The following ATM variants were observed in gnomAD, a reference collection of about 807,000 sequenced individuals.
ATM encodes the protein ATM serine/threonine kinase.
ATM carries 308 observed loss-of-function variants against 387.0 expected under a neutral mutation model. The observed-to-expected ratio is 0.80, with a 90% CI of 0.73 to 0.87. The LOEUF (loss-of-function observed/expected upper bound fraction) is 0.87, where lower values mean the gene tolerates loss of function less well. Among genes scored for constraint, ATM ranks in the 40% least tolerant of loss-of-function variants. The pLI, the probability that ATM is intolerant of heterozygous loss-of-function variation, is 0.00. For synonymous variants in ATM, 1,156 were observed against 1,187.3 expected, an observed-to-expected ratio of 0.97 and a Z score of 0.54; for missense variants, 3,312 against 3,560.9, an observed-to-expected ratio of 0.93 and a Z score of 1.78.
chr11:108,328,956 G>A (rs2085966435), intron 48 of ATM, 65 bp from the exon 49 acceptor site: 1 of 1,465,178 alleles, frequency 6.8e-7, no homozygotes, highest in Admixed American at 1.7e-5. Flanking sequence ...ACCTTAATTT[G>A]AGTGATTCTT....
At position 108,317,414 on chromosome 11, in the gene ATM, T is replaced by C. The variant is rs1383950977; in HGVS notation, c.6240T>C (p.Tyr2080=). Reference sequence around the variant, plus strand: ...GACTCTGCCATATTCTTTCCGTCTATTTAAAAGGATTGGATTATGAAAATA... The same window carrying C: ...GACTCTGCCATATTCTTTCCGTCTACTTAAAAGGATTGGATTATGAAAATA... ...NLGLCHILSV[Y]LKGLDYENKD... is the part of the protein sequence containing the mutation. Residue 2080 remains tyrosine, a synonymous_variant, in exon 43 of 63, where the codon TAT becomes TAC. Transcript: ENST00000675843. The C allele has an allele frequency of 6.2e-7, 1 of 1,612,558 alleles. No homozygotes were observed. Among genetic ancestry groups the C allele is most frequent in the South Asian group, 1.1e-5 (1 of 91,050 alleles).
chr11:108,357,926 C>T (rs932779556), intron 61 of ATM, among the ~76,000 whole-genome samples: 17 of 150,828 alleles, frequency 1.1e-4, no homozygotes, highest in African/African-American at 2.7e-4. Flanking sequence ...TCACCAGCAA[C>T]GGAACAAAGC....
At chr11:108,319,434 T>C (rs2085029230) in intron 43 of ATM, among the ~76,000 whole-genome samples, 2 of 152,172 alleles carry the variant, frequency 1.3e-5, no homozygotes, top group Non-Finnish European at 2.9e-5. Flanking sequence ...CCAGTTACCA[T>C]GCGGGTGGCT....
chr11:108,284,617 A>G, intron 26 of ATM, 144 bp downstream of exon 26: 1 of 1,160,374 alleles, frequency 8.6e-7, no homozygotes, highest in Non-Finnish European at 1.2e-6. Context: ...TAGCCAACCC[A>G]TGAATTTTTT....
At chr11:108,234,893 G>T (rs1156446795) in intron 4 of ATM, among the ~76,000 whole-genome samples, 1 of 151,854 alleles carries the variant, frequency 6.6e-6, no homozygotes, top group Non-Finnish European at 1.5e-5. Context: ...GCTATTATAG[G>T]ACTTAGAACT....
intron 61 of ATM, among the ~76,000 whole-genome samples, chr11:108,358,009 G>A (rs2090233680): frequency 6.8e-6 from 1 of 145,986 alleles, no homozygotes; most frequent in South Asian, 2.2e-4. Flanking sequence ...GCTACGGGAG[G>A]ACATTCAAAC....
intron 22 of ATM, among the ~76,000 whole-genome samples, chr11:108,277,510 A>G (rs1026658098): frequency 1.3e-5 from 2 of 152,114 alleles, no homozygotes; most frequent in Admixed American, 6.5e-5. Context: ...CACCCAAGGG[A>G]ATCTCTTGGT....
intron 61 of ATM, among the ~76,000 whole-genome samples, chr11:108,356,292 T>C (rs185960864): frequency 1.2e-4 from 18 of 152,214 alleles, no homozygotes; most frequent in Admixed American, 2.6e-4. Context: ...TCCCAGCACT[T>C]TGAGAGGCCG....
intron 29 of ATM, among the ~76,000 whole-genome samples, chr11:108,291,668 A>ATAC (rs1457663617): frequency 4.6e-5 from 7 of 152,200 alleles, no homozygotes; most frequent in African/African-American, 1.7e-4. Context: ...TTGTGTTTAG[A>ATAC]TAGTGTTTGA....
At chr11:108,313,324 C>T (rs187825236) in intron 40 of ATM, among the ~76,000 whole-genome samples, 41 of 152,264 alleles carry the variant, frequency 2.7e-4, no homozygotes, top group Admixed American at 2.6e-3. Flanking sequence ...TCCCTCTTCC[C>T]TATGTTCTCT....
At chr11:108,340,235 T>A (rs536943128) in intron 56 of ATM, 1 of 152,306 alleles carries the variant, frequency 6.6e-6, no homozygotes, top group South Asian at 2.1e-4. Context: ...CTTGTACTTG[T>A]CACTCAGTTT....
At chr11:108,289,152 C>G in intron 28 of ATM, 49 bp downstream of exon 28, 3 of 1,536,190 alleles carry the variant, frequency 2.0e-6, no homozygotes, top group Non-Finnish European at 2.7e-6. Context: ...TCTTTTTTAG[C>G]TAAAAAAACT....
chr11:108,312,382 A>C (rs1201822302), intron 39 of ATM, 29 bp from the exon 40 acceptor site: 14 of 1,500,466 alleles, frequency 9.3e-6, no homozygotes, highest in Middle Eastern at 1.7e-4. Context: ...GTATGTTCTC[A>C]TTAAAAGAGG....
chr11:108,256,112 AC>A (rs1234255868), intron 13 of ATM, 102 bp from the exon 14 acceptor site: 6 of 1,104,294 alleles, frequency 5.4e-6, no homozygotes, highest in Non-Finnish European at 7.3e-6. Context: ...AGTTAACTGA[AC>A]TTTTGTTTTT....
Position 108,335,664 on chromosome 11 carries a change from G to T in ATM, c.8152-181G>T, listed in dbSNP as rs190669598. 4.7e-4 allele frequency among the ~76,000 whole-genome samples: 72 copies of T among 152,268 alleles called. 1 individual carries two copies. The highest frequency in any genetic ancestry group is 8.5e-4 in the Non-Finnish European group (58 of 68,014). ...GCGAGGGGAAACTTTCTAAATCAGTGTAAATGTTGTAGCTTATTCTAAATG... is the reference window on the plus strand; with the variant it reads ...GCGAGGGGAAACTTTCTAAATCAGTTTAAATGTTGTAGCTTATTCTAAATG... On this transcript the variant is annotated intron_variant, in intron 55 of 62. Transcript: ENST00000675843.
chr11:108,256,103 G>GTT (rs1309346044), intron 13 of ATM, 112 bp from the exon 14 acceptor site: 1 of 1,014,978 alleles, frequency 9.9e-7, no homozygotes, highest in Non-Finnish European at 1.3e-6. Flanking sequence ...CTTTAACTCA[G>GTT]TTAACTGAAC....
Position 108,365,216 on chromosome 11 carries a change from C to T in ATM, c.8985C>T (p.Leu2995=), listed in dbSNP as rs771675608. 6.2e-7 allele frequency: 1 copy of T among 1,614,202 alleles called. No homozygotes were observed. The highest frequency in any genetic ancestry group is 8.5e-7 in the Non-Finnish European group (1 of 1,180,032). Residue 2995 remains leucine, a splice_region_variant and synonymous_variant, in exon 62 of 63, where the codon CTC becomes CTT. Transcript: ENST00000675843. Reference sequence around the variant, plus strand: ...ATGACCAAGAATGCAAACGAAATCTCAGGTGAGCAGTATTTTAAGAAGGTC... The same window carrying T: ...ATGACCAAGAATGCAAACGAAATCTTAGGTGAGCAGTATTTTAAGAAGGTC... The part of the protein sequence containing the change: ...NADDQECKRN[L]SDIDQSFNKV...
intron 49 of ATM, among the ~76,000 whole-genome samples, chr11:108,330,004 G>A (rs1420598544): frequency 1.3e-5 from 2 of 152,200 alleles, no homozygotes; most frequent in African/African-American, 2.4e-5. Flanking sequence ...CTTGGGGAGA[G>A]TCCCCTTTGT....
rs922974863 is a variant in ATM, at chr11:108,316,472, A to G, written c.6198+359A>G. Among the ~76,000 whole-genome samples, 14 of 152,112 alleles carry G rather than the reference A, an allele frequency of 9.2e-5. 1 individual carries two copies. Among genetic ancestry groups the G allele is most frequent in the Admixed American group, 3.9e-4 (6 of 15,270 alleles). ...GAAAATCTTATGTAAACTATTTCTCATAGTTTGCAACAGAGTTGGTCCCAG... is the reference window on the plus strand; with the variant it reads ...GAAAATCTTATGTAAACTATTTCTCGTAGTTTGCAACAGAGTTGGTCCCAG... On this transcript the variant is annotated intron_variant, in intron 42 of 62. Coordinates refer to ENST00000675843, the MANE Select transcript of ATM (RefSeq NM_000051.4).
Sources: allele counts gnomAD v4.1 joint callset (sites outside exome capture counted in the v4.1 genomes callset), GRCh38; gene constraint gnomAD v4.1.1; transcripts MANE v1.5; gene names NCBI Gene and HGNC (gene_info 2026-07-23, HGNC 2026-07-21).